The following BCAS4 variants were observed in gnomAD, a reference collection of about 807,000 sequenced individuals.
BCAS4 encodes breast carcinoma-amplified sequence 4.
Under a neutral mutation model 15.7 loss-of-function variants are expected in BCAS4, and 9 were observed. The ratio of observed to expected loss-of-function variants is 0.57; its 90% CI spans 0.34 to 1.00. The LOEUF (loss-of-function observed/expected upper bound fraction) is 1.00. Among genes scored for constraint, BCAS4 ranks in the 50% least tolerant of loss-of-function variants. The pLI is 0.02. For synonymous variants in BCAS4, 101 were observed against 99.5 expected, an observed-to-expected ratio of 1.02 and a Z score of -0.09; for missense variants, 225 against 239.1, an observed-to-expected ratio of 0.94 and a Z score of 0.39.
chr20:50,821,035 C>T (rs4260301), intron 2 of BCAS4, among the ~76,000 whole-genome samples: 16,790 of 152,208 alleles, frequency 0.11, 946 homozygotes, highest in African/African-American at 0.14. Flanking sequence ...GCATCGGCCG[C>T]CATGTCACGT....
At chr20:50,859,576 G>T (rs1424499174) in intron 4 of BCAS4, among the ~76,000 whole-genome samples, 1 of 152,236 alleles carries the variant, frequency 6.6e-6, no homozygotes, top group African/African-American at 2.4e-5. Context: ...TCTGGGGCCA[G>T]TGGGAGGCTC....
chr20:50,838,736 C>A (rs187916606), intron 3 of BCAS4, among the ~76,000 whole-genome samples: 1 of 152,064 alleles, frequency 6.6e-6, no homozygotes, highest in Non-Finnish European at 1.5e-5. Flanking sequence ...CCCAGCTACT[C>A]AGGAGGCTAA....
At chr20:50,860,415 C>G (rs1287675103) in intron 4 of BCAS4, among the ~76,000 whole-genome samples, 2 of 152,196 alleles carry the variant, frequency 1.3e-5, no homozygotes, top group Non-Finnish European at 2.9e-5. Context: ...CCTTCCTGTC[C>G]TCCAACTCCC....
chr20:50,821,776 C>T (rs1326085071), intron 2 of BCAS4, among the ~76,000 whole-genome samples: 1 of 152,186 alleles, frequency 6.6e-6, no homozygotes, highest in African/African-American at 2.4e-5. Flanking sequence ...CCCGTCTGCT[C>T]TATTAGTTCT....
intron 2 of BCAS4, among the ~76,000 whole-genome samples, chr20:50,821,120 A>T (rs1217155093): frequency 6.6e-6 from 1 of 152,030 alleles, no homozygotes; most frequent in East Asian, 1.9e-4. Flanking sequence ...GCTCCCGGGG[A>T]GCCTTCCTGA....
chr20:50,822,374 T>G (rs1306376362), intron 2 of BCAS4, among the ~76,000 whole-genome samples: 2 of 152,198 alleles, frequency 1.3e-5, no homozygotes, highest in Admixed American at 6.5e-5. Flanking sequence ...GAAACTGTAT[T>G]CTACCCCTTC....
At chr20:50,807,381 A>G (rs2088004176) in intron 1 of BCAS4, among the ~76,000 whole-genome samples, 4 of 151,350 alleles carry the variant, frequency 2.6e-5, no homozygotes, top group Admixed American at 2.0e-4. Flanking sequence ...TTTTGTAGAG[A>G]TGGGGTTTCA....
At chr20:50,860,817 T>G (rs757889315) in intron 4 of BCAS4, among the ~76,000 whole-genome samples, 3 of 152,024 alleles carry the variant, frequency 2.0e-5, no homozygotes, top group Non-Finnish European at 4.4e-5. Flanking sequence ...GAGGTTGCAG[T>G]GAGCCAAGAT....
At chr20:50,871,594 G>A (rs1298470869) in intron 4 of BCAS4, among the ~76,000 whole-genome samples, 3 of 152,236 alleles carry the variant, frequency 2.0e-5, no homozygotes, top group Non-Finnish European at 2.9e-5. Flanking sequence ...TCATGAACAG[G>A]AAAAGCCCCA....
At chr20:50,870,547 C>T (rs1419967201) in intron 4 of BCAS4, among the ~76,000 whole-genome samples, 4 of 152,170 alleles carry the variant, frequency 2.6e-5, no homozygotes, top group East Asian at 3.9e-4. Context: ...TTCGGCCAGA[C>T]GCAGCAGGTT....
intron 2 of BCAS4, among the ~76,000 whole-genome samples, chr20:50,824,763 A>G (rs1034145205): frequency 9.2e-5 from 14 of 152,122 alleles, no homozygotes; most frequent in Middle Eastern, 3.2e-3. Flanking sequence ...GCTCCAGCTG[A>G]TTGTTGCCAT....
At chr20:50,834,948 T>A (rs751575049) in intron 3 of BCAS4, among the ~76,000 whole-genome samples, 4 of 152,240 alleles carry the variant, frequency 2.6e-5, no homozygotes, top group Admixed American at 6.5e-5. Flanking sequence ...CATTTGTCCA[T>A]GCATTAGCTG....
intron 1 of BCAS4, among the ~76,000 whole-genome samples, chr20:50,815,882 G>A (rs957994546): frequency 6.6e-6 from 1 of 152,222 alleles, no homozygotes; most frequent in South Asian, 2.1e-4. Flanking sequence ...CCTGGAGCAG[G>A]ACGGTGTGGC....
In BCAS4 at chr20:50,795,121, G is replaced by A; in HGVS notation, c.38G>A (p.Arg13His). Reference sequence around the variant, plus strand: ...GACGCTGATCAGCCGGAGCCCATGCGCAGCGGGGCGCGCGAGCTCGCGCTC... The same window carrying A: ...GACGCTGATCAGCCGGAGCCCATGCACAGCGGGGCGCGCGAGCTCGCGCTC... ...LVDADQPEPMRSGARELALFL... is the reference protein window; with the variant it reads ...LVDADQPEPMHSGARELALFL... The change falls in exon 1 of 5, where the codon CGC (arginine) becomes CAC (histidine). Residue 13 changes from arginine (R) to histidine (H), a missense_variant. Physicochemically the swap from Arg to His is conservative, Grantham distance 29. Coordinates refer to ENST00000371608, the MANE Select transcript of BCAS4 (RefSeq NM_198799.4). The A allele has an allele frequency of 1.3e-6, 2 of 1,488,172 alleles. No individual in the cohort carries two copies. Among genetic ancestry groups the A allele is most frequent in the South Asian group, 1.3e-5 (1 of 78,666 alleles). 92.2% of individuals were successfully genotyped at this position (1,488,172 alleles called of 1,614,324 possible).
At chr20:50,805,061 T>G (rs1240304258) in intron 1 of BCAS4, among the ~76,000 whole-genome samples, 1 of 152,174 alleles carries the variant, frequency 6.6e-6, no homozygotes, top group Admixed American at 6.6e-5. Flanking sequence ...AGTATTTGTG[T>G]GTGTGTGTGT....
intron 4 of BCAS4, 72 bp from the exon 5 acceptor site, chr20:50,876,414 G>C: frequency 6.3e-7 from 1 of 1,575,484 alleles, no homozygotes; most frequent in Non-Finnish European, 8.6e-7. Flanking sequence ...TGAACTTGTA[G>C]ACCGGGAATT....
chr20:50,840,720 G>A lies in BCAS4; in HGVS notation c.265-1046G>A, dbSNP rs560005730. The A allele has an allele frequency of 1.2e-4, 200 of 1,612,498 alleles. No individual in the cohort carries two copies. In the South Asian group the frequency reaches 1.9e-3, roughly 15 times the overall value. On this transcript the variant is annotated intron_variant, in intron 3 of 4. Transcript: ENST00000371608. The stretch of plus-strand genomic sequence containing the variant: ...TCAGTTTCGACTTATCGAATTTCTC[G>A]ATCTCAGCCATATCGGATTTGTCAG...
chr20:50,867,741 C>T (rs1979428217), intron 4 of BCAS4, among the ~76,000 whole-genome samples: 1 of 152,196 alleles, frequency 6.6e-6, no homozygotes, highest in Non-Finnish European at 1.5e-5. Flanking sequence ...TGGTGAAACC[C>T]TGTCTCTACT....
chr20:50,881,278 G>A (rs1011398650), downstream of BCAS4: 3 of 151,990 alleles, frequency 2.0e-5, no homozygotes, highest in African/African-American at 7.3e-5. Flanking sequence ...TAAAAACATT[G>A]GCGAAGTGTA....
Sources: allele counts gnomAD v4.1 joint callset (sites outside exome capture counted in the v4.1 genomes callset), GRCh38; gene constraint gnomAD v4.1.1; transcripts MANE v1.5; gene names NCBI Gene and HGNC (gene_info 2026-07-23, HGNC 2026-07-21).